DAB1: variants seen among roughly 807,000 people sequenced by gnomAD.
DAB1 encodes disabled homolog 1.
A neutral mutation model predicts 64.6 loss-of-function variants in DAB1; 15 were observed. The observed-to-expected ratio is 0.23, with a 90% CI of 0.16 to 0.36. The LOEUF (loss-of-function observed/expected upper bound fraction) is 0.36, where lower values mean the gene tolerates loss of function less well. Among genes scored for constraint, DAB1 ranks in the 10% least tolerant of loss-of-function variants. DAB1 has a pLI of 1.00. For synonymous variants in DAB1, 235 were observed against 251.9 expected, an observed-to-expected ratio of 0.93 and a Z score of 0.64; for missense variants, 596 against 706.7, an observed-to-expected ratio of 0.84 and a Z score of 1.78.
chr1:57,947,410 G>A (rs186811274), intron 5 of DAB1, among the ~76,000 whole-genome samples: 45 of 152,216 alleles, frequency 3.0e-4, no homozygotes, highest in African/African-American at 1.0e-3. Context: ...CTCAACCTTA[G>A]CGCTATTGAC....
intron 6 of DAB1, among the ~76,000 whole-genome samples, chr1:57,691,157 G>C (rs942966093): frequency 1.3e-5 from 2 of 152,056 alleles, no homozygotes; most frequent in Non-Finnish European, 2.9e-5. Context: ...TGTCTAGCTA[G>C]GGGATTGTAA....
At chr1:57,073,201 A>G (rs1385194194) in intron 4 of DAB1, among the ~76,000 whole-genome samples, 2 of 152,116 alleles carry the variant, frequency 1.3e-5, no homozygotes, top group South Asian at 2.1e-4. Context: ...AATTCCTCCA[A>G]TGTTCGTGCC....
intron 3 of DAB1, among the ~76,000 whole-genome samples, chr1:58,379,916 A>G (rs948252189): frequency 3.3e-5 from 5 of 152,252 alleles, no homozygotes; most frequent in Admixed American, 3.3e-4. Context: ...CCACCCAGCT[A>G]GAGATGATAT....
At chr1:57,126,816 C>G (rs1346860777) in intron 4 of DAB1, among the ~76,000 whole-genome samples, 2 of 152,216 alleles carry the variant, frequency 1.3e-5, no homozygotes, top group Non-Finnish European at 2.9e-5. Context: ...GTTACCCAGT[C>G]CCTGGGCTCC....
intron 5 of DAB1, among the ~76,000 whole-genome samples, chr1:57,922,047 A>C (rs1162498283): frequency 6.6e-6 from 1 of 152,132 alleles, no homozygotes; most frequent in Admixed American, 6.6e-5. Context: ...ATATCACCCT[A>C]TCCTTTTCCT....
chr1:57,722,114 G>C (rs1280124007), intron 6 of DAB1, among the ~76,000 whole-genome samples: 1 of 152,156 alleles, frequency 6.6e-6, no homozygotes. Context: ...TTTCTCATCA[G>C]TGTTGTCTCA....
At chr1:57,424,354 C>A (rs1208685205), upstream of DAB1, among the ~76,000 whole-genome samples, 2 of 151,768 alleles carry the variant, frequency 1.3e-5, no homozygotes, top group African/African-American at 4.8e-5. Flanking sequence ...AGCGAGCGAG[C>A]GAGCGGGGGC....
intron 2 of DAB1, among the ~76,000 whole-genome samples, chr1:57,248,644 G>A (rs536135111): frequency 2.6e-4 from 40 of 152,256 alleles, no homozygotes; most frequent in South Asian, 4.2e-4. Flanking sequence ...ATTTCCTGCC[G>A]TGTAATTCTC....
intron 7 of DAB1, among the ~76,000 whole-genome samples, chr1:57,474,498 G>A (rs1041065230): frequency 6.6e-6 from 1 of 152,184 alleles, no homozygotes; most frequent in Non-Finnish European, 1.5e-5. Flanking sequence ...CCATTAGGAA[G>A]TATGATTTAC....
At chr1:57,554,950 T>C (rs748403560) in intron 7 of DAB1, among the ~76,000 whole-genome samples, 37 of 151,940 alleles carry the variant, frequency 2.4e-4, no homozygotes, top group Non-Finnish European at 4.6e-4. Flanking sequence ...CACAACATCA[T>C]GGGTGACTCA....
At chr1:57,256,552 A>G (rs1264775334) in intron 2 of DAB1, among the ~76,000 whole-genome samples, 3 of 140,816 alleles carry the variant, frequency 2.1e-5, no homozygotes, top group African/African-American at 8.0e-5. Context: ...AGAGTCCTTC[A>G]AGCCCCAGCT....
intron 4 of DAB1, among the ~76,000 whole-genome samples, chr1:57,095,681 T>A (rs1187357251): frequency 6.6e-6 from 1 of 152,120 alleles, no homozygotes. Context: ...CCAGCTTGAA[T>A]GAAAGTATGG....
In DAB1 at chr1:57,221,303, G is replaced by A. The variant is rs61765593; in HGVS notation, c.67+69661C>T. Among the ~76,000 whole-genome samples, 1,246 of 152,130 alleles carry A rather than the reference G, an allele frequency of 8.2e-3. 33 individuals carry two copies. In the East Asian group the frequency reaches 0.082, roughly 10 times the overall value. On this transcript the variant is annotated intron_variant, in intron 2 of 14. Coordinates refer to ENST00000371236, the MANE Select transcript of DAB1 (RefSeq NM_001365792.1). Reference sequence around the variant, plus strand: ...AGGAGATATACCTAATGTAAATGACGAGTTAATGGGTGCAGCACACCAACT... The same window carrying A: ...AGGAGATATACCTAATGTAAATGACAAGTTAATGGGTGCAGCACACCAACT...
intron 5 of DAB1, among the ~76,000 whole-genome samples, chr1:58,030,144 T>A (rs1473057085): frequency 1.3e-5 from 2 of 151,942 alleles, no homozygotes; most frequent in East Asian, 3.9e-4. Context: ...GAGGCAGAGG[T>A]TGCAGTGAGC....
intron 4 of DAB1, among the ~76,000 whole-genome samples, chr1:58,211,598 A>G (rs1245937820): frequency 6.6e-6 from 1 of 152,192 alleles, no homozygotes. Context: ...CACAACTTTC[A>G]ATTGCTACAA....
chr1:57,143,359 G>A (rs200446216), intron 3 of DAB1, among the ~76,000 whole-genome samples: 221 of 152,162 alleles, frequency 1.5e-3, no homozygotes, highest in African/African-American at 5.1e-3. Context: ...TCCAACTCTT[G>A]TCTATTAATC....
At chr1:57,222,324 A>G (rs1164189076) in intron 2 of DAB1, among the ~76,000 whole-genome samples, 1 of 152,186 alleles carries the variant, frequency 6.6e-6, no homozygotes, top group Non-Finnish European at 1.5e-5. Context: ...TTCTGGTCCT[A>G]TCCTGAGGTG....
chr1:57,455,454 G>T (rs921092773), intron 7 of DAB1, among the ~76,000 whole-genome samples: 2 of 152,068 alleles, frequency 1.3e-5, no homozygotes, highest in African/African-American at 4.8e-5. Context: ...GGGAGTTCAG[G>T]CTTTATCTGT....
chr1:58,087,141 T>G (rs1650365803), intron 5 of DAB1, among the ~76,000 whole-genome samples: 1 of 152,206 alleles, frequency 6.6e-6, no homozygotes, highest in Admixed American at 6.5e-5. Context: ...TAATAACCCC[T>G]GTATAGCATG....
Sources: gnomAD v4.1 joint callset for allele counts (sites outside exome capture counted in the v4.1 genomes callset) on GRCh38, gnomAD v4.1.1 for gene constraint, MANE v1.5 for transcripts, NCBI Gene and HGNC (gene_info 2026-07-23, HGNC 2026-07-21) for gene names.